The following JAK2 variants were observed in gnomAD, a reference collection of about 807,000 sequenced individuals.
JAK2 encodes the protein tyrosine-protein kinase JAK2.
Under a neutral mutation model 139.3 loss-of-function variants are expected in JAK2, and 86 were observed. The ratio of observed to expected loss-of-function variants is 0.62; its 90% CI spans 0.52 to 0.74. The LOEUF (loss-of-function observed/expected upper bound fraction) is 0.74. JAK2 is among the 30% of genes least tolerant of loss of function. JAK2 has a pLI of 0.00. For missense variants in JAK2, 1,421 were observed against 1,360.3 expected (o/e 1.04, Z -0.70); for synonymous variants, 490 against 437.7 (o/e 1.12, Z -1.49).
chr9:5,099,360 C>T (rs539901432), intron 22 of JAK2: 2 of 152,134 alleles, frequency 1.3e-5, no homozygotes, highest in South Asian at 4.1e-4. Context: ...CAGCATTTAC[C>T]TTTTAAGTTA....
At chr9:5,100,180 A>T (rs1215827420) in intron 22 of JAK2, 4 of 152,180 alleles carry the variant, frequency 2.6e-5, no homozygotes, top group Non-Finnish European at 5.9e-5. Context: ...CATAGACCTT[A>T]TTCAGGCTTA....
intron 3 of JAK2, among the ~76,000 whole-genome samples, chr9:5,029,542 C>A (rs547879165): frequency 9.5e-4 from 144 of 151,852 alleles, no homozygotes; most frequent in Admixed American, 1.8e-3. Context: ...AAGAAAAAAA[C>A]CCCACAATAT....
At chr9:5,001,427 T>G (rs1424349621) in intron 2 of JAK2, among the ~76,000 whole-genome samples, 1 of 152,184 alleles carries the variant, frequency 6.6e-6, no homozygotes, top group African/African-American at 2.4e-5. Flanking sequence ...ATGCTTTTCC[T>G]GCAACAATTG....
chr9:5,047,560 GTGACTGTTTTTTATTTCCC>G (rs1237720451), intron 5 of JAK2, among the ~76,000 whole-genome samples: 1 of 152,212 alleles, frequency 6.6e-6, no homozygotes, highest in Admixed American at 6.5e-5. Flanking sequence ...TTTTGTGACT[GTGACTGTTTTTTATTTCCC>G]TGGCTAATGA....
At chr9:5,005,113 T>TAGG (rs1380201134) in intron 2 of JAK2, among the ~76,000 whole-genome samples, 2 of 79,464 alleles carry the variant, frequency 2.5e-5, no homozygotes, top group African/African-American at 8.8e-5. Flanking sequence ...TTTTTTTTTT[T>TAGG]TTTTTTTTTT....
rs1406407961 is a variant in JAK2 at position 5,064,994 on chromosome 9, C to T, written c.1168C>T (p.Pro390Ser). ...TTACCTCTGTAAAGAAGTAGCACCTCCAGCCGTGCTTGAAAATATACAAAG... is the reference window on the plus strand; with the variant it reads ...TTACCTCTGTAAAGAAGTAGCACCTTCAGCCGTGCTTGAAAATATACAAAG... Reference protein sequence around the residue: ...HHYLCKEVAPPAVLENIQSNC... With the variant: ...HHYLCKEVAPSAVLENIQSNC... Residue 390 changes from proline to serine, a missense_variant, in exon 9 of 25, where the codon CCA becomes TCA. Transcript: ENST00000381652. The T allele has an allele frequency of 6.2e-7, 1 of 1,608,490 alleles. No homozygotes were observed. Among genetic ancestry groups the T allele is most frequent in the Non-Finnish European group, 8.5e-7 (1 of 1,177,214 alleles).
intron 2 of JAK2, among the ~76,000 whole-genome samples, chr9:4,999,671 A>AG (rs1300929066): frequency 1.3e-5 from 2 of 152,192 alleles, no homozygotes; most frequent in Non-Finnish European, 2.9e-5. Context: ...GTTCAAGGGC[A>AG]GGAAGCGTCT....
intron 2 of JAK2, among the ~76,000 whole-genome samples, chr9:5,018,227 T>G (rs1822195844): frequency 6.6e-6 from 1 of 152,234 alleles, no homozygotes; most frequent in African/African-American, 2.4e-5. Flanking sequence ...TCTATAGTGA[T>G]AACATTTGAA....
intron 8 of JAK2, among the ~76,000 whole-genome samples, chr9:5,060,867 G>A (rs1298017924): frequency 1.3e-5 from 2 of 152,180 alleles, no homozygotes; most frequent in African/African-American, 2.4e-5. Context: ...CTTACAAAAT[G>A]TATTTCTTAG....
At chr9:4,989,953 A>G (rs947338184) in intron 2 of JAK2, among the ~76,000 whole-genome samples, 22 of 152,248 alleles carry the variant, frequency 1.4e-4, no homozygotes, top group African/African-American at 4.3e-4. Context: ...GAATTGAGAA[A>G]GAGTTTGCTG....
chr9:5,069,891 T>C (rs769548954), intron 11 of JAK2, 34 bp from the exon 12 acceptor site: 1 of 1,431,502 alleles, frequency 7.0e-7, no homozygotes, highest in Non-Finnish European at 9.6e-7. Context: ...TTCAGTGTAT[T>C]TTGAAGTGAT....
At chr9:5,046,550 TG>T (rs1218545426) in intron 5 of JAK2, among the ~76,000 whole-genome samples, 3 of 152,212 alleles carry the variant, frequency 2.0e-5, no homozygotes, top group Non-Finnish European at 2.9e-5. Flanking sequence ...ATTTAGGCAT[TG>T]GGTCCATTTT....
intron 19 of JAK2, chr9:5,086,202 G>T: frequency 1.7e-6 from 1 of 576,250 alleles, no homozygotes; most frequent in African/African-American, 2.0e-5. Context: ...CGCCGCCCCC[G>T]CCACCAGCGC....
rs866636803 is a variant in JAK2 at position 5,068,179 on chromosome 9, A to C, written c.1327-843A>C. ...GTCTCAAAAAAAAACAACAACAAAA[A>C]AAAAAAAAAACAAGAAAGGTTATTT... On this transcript the variant is annotated intron_variant, in intron 10 of 24. Coordinates refer to ENST00000381652, the MANE Select transcript of JAK2 (RefSeq NM_004972.4). Among the ~76,000 whole-genome samples the C allele has an allele frequency of 2.4e-3, 364 of 150,086 alleles. 1 individual carries two copies. The highest frequency in any genetic ancestry group is 3.7e-3 in the Non-Finnish European group (251 of 67,162).
intron 22 of JAK2, chr9:5,111,374 C>A (rs1336061270): frequency 5.0e-6 from 2 of 402,802 alleles, no homozygotes; most frequent in Non-Finnish European, 9.6e-6. Context: ...CCTACGCCAG[C>A]AGCTCTGGCG....
intron 2 of JAK2, among the ~76,000 whole-genome samples, chr9:4,988,398 A>G (rs1482879250): frequency 2.0e-5 from 3 of 152,230 alleles, no homozygotes; most frequent in African/African-American, 7.2e-5. Context: ...ACAGTGTGGT[A>G]TTGTCCAATT....
At chr9:5,085,628 CCTT>C in intron 19 of JAK2, 1 of 711,038 alleles carries the variant, frequency 1.4e-6, no homozygotes. Context: ...GCAAGGACAG[CCTT>C]CTTTTCACCC....
At chr9:5,025,286 G>A (rs537133526) in intron 3 of JAK2, among the ~76,000 whole-genome samples, 3 of 152,106 alleles carry the variant, frequency 2.0e-5, no homozygotes, top group Non-Finnish European at 2.9e-5. Flanking sequence ...CCTTGGTATC[G>A]TAGTCAAACT....
chr9:5,103,851 G>C (rs1821730538), intron 22 of JAK2, among the ~76,000 whole-genome samples: 1 of 152,096 alleles, frequency 6.6e-6, no homozygotes, highest in Admixed American at 6.5e-5. Context: ...CAGATATAAA[G>C]ATGTTCTTTG....
Sources: gnomAD v4.1 joint callset for allele counts (sites outside exome capture counted in the v4.1 genomes callset) on GRCh38, gnomAD v4.1.1 for gene constraint, MANE v1.5 for transcripts, NCBI Gene and HGNC (gene_info 2026-07-23, HGNC 2026-07-21) for gene names.